The following FBN1 variants were observed in gnomAD, a reference collection of about 807,000 sequenced individuals.
The protein encoded by FBN1 is fibrillin-1.
A neutral mutation model predicts 365.1 loss-of-function variants in FBN1; 29 were observed. The observed-to-expected ratio is 0.08, with a 90% CI of 0.06 to 0.11. The LOEUF (loss-of-function observed/expected upper bound fraction) is 0.11. Ranked by LOEUF, FBN1 falls within the 10% of genes least tolerant of loss-of-function variation. The pLI is 1.00. For synonymous variants in FBN1, 1,210 were observed against 1,270.5 expected (o/e 0.95, Z 1.01); for missense variants, 2,476 against 3,703.2 (o/e 0.67, Z 8.60).
chr15:48,463,644 A>G (rs942242823), intron 41 of FBN1, among the ~76,000 whole-genome samples: 1 of 152,246 alleles, frequency 6.6e-6, no homozygotes, highest in African/African-American at 2.4e-5. Flanking sequence ...CAAAAGTCAA[A>G]CAAAAGAAGT....
chr15:48,612,188 T>TAC (rs1222928795), intron 3 of FBN1, among the ~76,000 whole-genome samples: 2 of 152,180 alleles, frequency 1.3e-5, no homozygotes, highest in African/African-American at 4.8e-5. Context: ...GAGAAACAGT[T>TAC]AAACTTTTTC....
rs1418131999 is a variant in FBN1 at position 48,492,450 on chromosome 15, T to C, written c.2854+11A>G. On this transcript the variant is annotated intron_variant, in intron 24 of 65. Coordinates refer to ENST00000316623, the MANE Select transcript of FBN1 (RefSeq NM_000138.5). Reference sequence around the variant, plus strand: ...AATTATTATTAGAAAAATAATGAGCTCAGTATTTACCAAGACAGATCCTTC... The same window carrying C: ...AATTATTATTAGAAAAATAATGAGCCCAGTATTTACCAAGACAGATCCTTC... 8.7e-6 allele frequency: 14 copies of C among 1,611,736 alleles called. No homozygotes were observed. The highest frequency in any genetic ancestry group is 7.6e-6 in the Non-Finnish European group (9 of 1,178,078).
At chr15:48,508,758 G>A in intron 14 of FBN1, 54 bp from the exon 15 acceptor site, 1 of 1,599,262 alleles carries the variant, frequency 6.3e-7, no homozygotes, top group Non-Finnish European at 8.6e-7. Context: ...GCTTACGAAG[G>A]AAACCAATCT....
intron 12 of FBN1, among the ~76,000 whole-genome samples, chr15:48,515,095 G>A (rs1282177850): frequency 1.3e-5 from 2 of 152,146 alleles, no homozygotes; most frequent in Non-Finnish European, 2.9e-5. Context: ...TGAAAATGGA[G>A]GAAGGGGTCA....
intron 9 of FBN1, among the ~76,000 whole-genome samples, chr15:48,521,444 T>C (rs1251491077): frequency 6.6e-6 from 1 of 152,202 alleles, no homozygotes; most frequent in African/African-American, 2.4e-5. Flanking sequence ...TATTTATAAC[T>C]TCAAAATGGC....
chr15:48,547,298 G>A (rs1295875284), intron 6 of FBN1, among the ~76,000 whole-genome samples: 3 of 152,074 alleles, frequency 2.0e-5, no homozygotes, highest in African/African-American at 7.2e-5. Context: ...AAGTACCCAC[G>A]GCCCAGACCA....
intron 2 of FBN1, chr15:48,644,159 G>A (rs1283540346): frequency 5.6e-6 from 1 of 178,304 alleles, no homozygotes; most frequent in Non-Finnish European, 1.2e-5. Context: ...ACTACTGTGT[G>A]ATTTCTCCTC....
At chr15:48,575,440 T>C (rs1263652396) in intron 6 of FBN1, among the ~76,000 whole-genome samples, 2 of 152,194 alleles carry the variant, frequency 1.3e-5, no homozygotes, top group African/African-American at 4.8e-5. Context: ...ACTGTACCCA[T>C]TATCTGAATT....
At chr15:48,568,009 G>GAA (rs1288723199) in intron 6 of FBN1, among the ~76,000 whole-genome samples, 8 of 91,354 alleles carry the variant, frequency 8.8e-5, no homozygotes, top group African/African-American at 4.5e-4. Context: ...AAGAAAGAAA[G>GAA]AAAGAAAGAA....
At position 48,420,757 on chromosome 15, in the gene FBN1, G is replaced by A. The variant is rs374951628; in HGVS notation, c.7749C>T (p.Asn2583=). 2 of 1,614,004 alleles carry A rather than the reference G, an allele frequency of 1.2e-6. No individual in the cohort carries two copies. The highest frequency in any genetic ancestry group is 2.7e-5 in the African/African-American group (2 of 74,926). The change falls in exon 63 of 66, where the codon AAC becomes AAT. Residue 2583 remains asparagine, a synonymous_variant. Coordinates refer to ENST00000316623, the MANE Select transcript of FBN1 (RefSeq NM_000138.5). ...GNHRCQHGCQ[N]IIGGYRCSCP... ...AGCTGCACCTGTAGCCCCCAATGATGTTCTGGCAGCCATGCTGGCAGCGGT... is the reference window on the plus strand; with the variant it reads ...AGCTGCACCTGTAGCCCCCAATGATATTCTGGCAGCCATGCTGGCAGCGGT...
At chr15:48,625,604 A>G (rs771130883) in intron 2 of FBN1, among the ~76,000 whole-genome samples, 15 of 152,172 alleles carry the variant, frequency 9.9e-5, no homozygotes, top group Admixed American at 5.2e-4. Context: ...CTCATCCTCG[A>G]TGCACCTGAT....
At chr15:48,515,644 G>A in intron 11 of FBN1, 117 bp from the exon 12 acceptor site, 1 of 1,350,380 alleles carries the variant, frequency 7.4e-7, no homozygotes, top group Non-Finnish European at 1.0e-6. Context: ...TACTCTTTGG[G>A]CAAAGGTCGT....
At chr15:48,546,764 G>A (rs2044096451) in intron 6 of FBN1, among the ~76,000 whole-genome samples, 1 of 152,136 alleles carries the variant, frequency 6.6e-6, no homozygotes, top group African/African-American at 2.4e-5. Flanking sequence ...GTGAAAGTTG[G>A]CGAGAGTGGT....
intron 8 of FBN1, among the ~76,000 whole-genome samples, chr15:48,528,801 C>A (rs2043940352): frequency 6.6e-6 from 1 of 152,160 alleles, no homozygotes. Context: ...CAGTGACACA[C>A]CCTTTTGCCT....
chr15:48,578,768 A>G (rs1340857920), intron 6 of FBN1, among the ~76,000 whole-genome samples: 1 of 145,232 alleles, frequency 6.9e-6, no homozygotes, highest in Non-Finnish European at 1.5e-5. Flanking sequence ...AAAAAACCAA[A>G]CACCGCATAT....
intron 6 of FBN1, among the ~76,000 whole-genome samples, chr15:48,551,733 A>G (rs2044143886): frequency 6.6e-6 from 1 of 152,058 alleles, no homozygotes; most frequent in Non-Finnish European, 1.5e-5. Context: ...ATCTGTTCTC[A>G]TCATTTAGTT....
intron 15 of FBN1, 57 bp from the exon 16 acceptor site, chr15:48,505,204 CATGTTGACAATT>C: frequency 6.2e-7 from 1 of 1,606,446 alleles, no homozygotes; most frequent in East Asian, 2.2e-5. Context: ...AAAATTATAA[CATGTTGACAATT>C]ATGTTTTAAC....
chr15:48,408,739 G>A lies in FBN1; in HGVS notation c.*2251C>T, dbSNP rs1156962629. ...TTACAGTCAGAAACATGGAAAATAT[G>A]CTGTTCAAAATTGTTGGCTCAGGAA... On this transcript the variant is annotated 3_prime_UTR_variant, in exon 66 of 66. Transcript: ENST00000316623. 2 of 152,628 alleles carry A rather than the reference G, an allele frequency of 1.3e-5. No homozygotes were observed. Among genetic ancestry groups the A allele is most frequent in the Non-Finnish European group, 2.9e-5 (2 of 68,026 alleles). The allele number at this position is 152,628 out of a possible 1,614,324, so 9.5% of individuals were successfully genotyped here. A position where few individuals can be genotyped will look rare whatever the true frequency, so the allele number is the denominator to read the frequency against.
intron 43 of FBN1, among the ~76,000 whole-genome samples, chr15:48,458,298 T>C (rs1359646296): frequency 2.0e-5 from 3 of 152,236 alleles, no homozygotes; most frequent in African/African-American, 7.2e-5. Flanking sequence ...AGGAGAAATT[T>C]GATGTCATAG....
Sources: allele counts gnomAD v4.1 joint callset (sites outside exome capture counted in the v4.1 genomes callset), GRCh38; gene constraint gnomAD v4.1.1; transcripts MANE v1.5; gene names NCBI Gene and HGNC (gene_info 2026-07-23, HGNC 2026-07-21).